The following ANKRD12 variants were observed in gnomAD, a reference collection of about 807,000 sequenced individuals.
ANKRD12 encodes ankyrin repeat domain 12, also known as ankyrin repeat domain-containing protein 12.
Under a neutral mutation model 183.4 loss-of-function variants are expected in ANKRD12, and 85 were observed. That is an observed-to-expected ratio of 0.46 (90% CI 0.39 to 0.56). ANKRD12 has a LOEUF of 0.56. Among genes scored for constraint, ANKRD12 ranks in the 20% least tolerant of loss-of-function variants. The pLI is 0.00. For synonymous variants in ANKRD12, 914 were observed against 800.2 expected (o/e 1.14, Z -2.40); for missense variants, 2,405 against 2,357.1 (o/e 1.02, Z -0.42).
At chr18:9,218,376 C>G (rs1033340440) in intron 7 of ANKRD12, among the ~76,000 whole-genome samples, 1 of 152,140 alleles carries the variant, frequency 6.6e-6, no homozygotes, top group Admixed American at 6.5e-5. Flanking sequence ...TCTCCTTGTT[C>G]CTTTTACTTG....
chr18:9,229,536 T>G (rs1567941969), intron 8 of ANKRD12, among the ~76,000 whole-genome samples: 1 of 152,080 alleles, frequency 6.6e-6, no homozygotes, highest in Non-Finnish European at 1.5e-5. Context: ...TTCCTAGTTG[T>G]TTGTTGTTGT....
chr18:9,211,809 C>G, intron 6 of ANKRD12, 25 bp downstream of exon 6: 3 of 1,553,684 alleles, frequency 1.9e-6, no homozygotes, highest in Non-Finnish European at 2.7e-6. Context: ...TCAATACCTA[C>G]TATTCAGGCA....
intron 11 of ANKRD12, among the ~76,000 whole-genome samples, 186 bp downstream of exon 11, chr18:9,275,853 A>T (rs2039808566): frequency 6.6e-6 from 1 of 152,230 alleles, no homozygotes; most frequent in African/African-American, 2.4e-5. Flanking sequence ...AGCACTGTAA[A>T]CATTAGGTTT....
At chr18:9,175,199 G>C (rs1046219240) in intron 1 of ANKRD12, among the ~76,000 whole-genome samples, 4 of 152,120 alleles carry the variant, frequency 2.6e-5, no homozygotes, top group Non-Finnish European at 5.9e-5. Flanking sequence ...ACTCTAAAGT[G>C]ATCTCAAAAT....
rs375802065 is a variant in ANKRD12, at chr18:9,256,682, A to T, written c.3415A>T (p.Thr1139Ser). 2 of 1,606,624 alleles carry T rather than the reference A, an allele frequency of 1.2e-6. No individual in the cohort carries two copies. The highest frequency in any genetic ancestry group is 2.2e-5 in the South Asian group (2 of 88,904). The stretch of plus-strand genomic sequence containing the variant: ...AACTGAATCCAAAAATAAAGAACTT[A>T]CTAGGTCAAAGAGTTCAGAAGTGAC... ...TPTESKNKEL[T>S]RSKSSEVTDA... The change falls in exon 9 of 13, where the codon ACT becomes TCT. Residue 1139 changes from threonine (T) to serine (S), a missense_variant. Physicochemically the swap from Thr to Ser is moderately conservative, Grantham distance 58. Transcript: ENST00000262126.
Position 9,256,370 on chromosome 18 carries a change from G to C in ANKRD12, c.3103G>C (p.Asp1035His). The stretch of plus-strand genomic sequence containing the variant: ...ATACAAAGAACGAGACAAACATAAA[G>C]ATAAAATTCAAATAAATAGCTTACT... ...DRYKERDKHKDKIQINSLLKL... is the reference protein window; with the variant it reads ...DRYKERDKHKHKIQINSLLKL... The change falls in exon 9 of 13, where the codon GAT (aspartate) becomes CAT (histidine). Residue 1035 changes from aspartate (D) to histidine (H), a missense_variant. Asp to His is a moderately conservative substitution (Grantham distance 81). Transcript: ENST00000262126. The C allele has an allele frequency of 6.2e-7, 1 of 1,601,388 alleles. No homozygotes were observed. The highest frequency in any genetic ancestry group is 8.5e-7 in the Non-Finnish European group (1 of 1,174,960).
chr18:9,150,964 T>TA (rs35616364), intron 1 of ANKRD12, among the ~76,000 whole-genome samples: 85,485 of 150,860 alleles, frequency 0.57, 25,231 homozygotes, highest in South Asian at 0.75. Flanking sequence ...ATTTTGTGAT[T>TA]AAAAAAAAAA....
chr18:9,219,493 C>T (rs1023156231), intron 7 of ANKRD12, among the ~76,000 whole-genome samples: 1 of 152,142 alleles, frequency 6.6e-6, no homozygotes, highest in Non-Finnish European at 1.5e-5. Context: ...TGAGCAGTTA[C>T]TGATGTAGAA....
chr18:9,159,056 G>A (rs1271151424), intron 1 of ANKRD12, among the ~76,000 whole-genome samples: 1 of 152,046 alleles, frequency 6.6e-6, no homozygotes, highest in Admixed American at 6.5e-5. Context: ...TCCTTTCTGG[G>A]AGTGCAAGAT....
chr18:9,266,347 T>G (rs1387380392), intron 10 of ANKRD12, among the ~76,000 whole-genome samples: 2 of 151,936 alleles, frequency 1.3e-5, no homozygotes, highest in African/African-American at 4.8e-5. Context: ...AAGGAAAAAA[T>G]GTTAAGGGCA....
intron 8 of ANKRD12, among the ~76,000 whole-genome samples, chr18:9,225,455 C>A (rs1242338043): frequency 2.4e-4 from 7 of 29,786 alleles, no homozygotes; most frequent in Non-Finnish European, 4.8e-4. Context: ...GCCTGGCTGA[C>A]AGAGCCAGAC....
intron 10 of ANKRD12, among the ~76,000 whole-genome samples, chr18:9,265,594 A>C (rs2039242873): frequency 6.6e-6 from 1 of 152,212 alleles, no homozygotes; most frequent in African/African-American, 2.4e-5. Flanking sequence ...TAACAAACAG[A>C]AAGGACATCC....
At chr18:9,154,143 G>T (rs2030023818) in intron 1 of ANKRD12, among the ~76,000 whole-genome samples, 1 of 152,084 alleles carries the variant, frequency 6.6e-6, no homozygotes. Context: ...TCTGCGGCTG[G>T]GCACAGTGAT....
chr18:9,192,520 A>C (rs766786383), intron 2 of ANKRD12, among the ~76,000 whole-genome samples: 3 of 152,108 alleles, frequency 2.0e-5, no homozygotes, highest in Non-Finnish European at 2.9e-5. Context: ...TTTGGTATCA[A>C]TTTCATTTTA....
Position 9,279,634 on chromosome 18 carries a change from A to G in ANKRD12, c.5993A>G (p.Asp1998Gly). The change falls in exon 12 of 13, where the codon GAC becomes GGC. Residue 1998 changes from aspartate (D) to glycine (G), a missense_variant. By Grantham distance (94) the Asp-to-Gly change is moderately conservative. Coordinates refer to ENST00000262126, the MANE Select transcript of ANKRD12 (RefSeq NM_015208.5). The part of the protein sequence containing the change: ...SWLQDVDDKF[D>G]KLKTCLLMRQ... ...TTACAAGATGTGGATGATAAATTTGACAAATTAAAGGTATGTATGTTTGGA... is the reference window on the plus strand; with the variant it reads ...TTACAAGATGTGGATGATAAATTTGGCAAATTAAAGGTATGTATGTTTGGA... 1 of 1,600,828 alleles carries G rather than the reference A, an allele frequency of 6.2e-7. No individual in the cohort carries two copies. The highest frequency in any genetic ancestry group is 1.7e-5 in the Admixed American group (1 of 57,766).
intron 1 of ANKRD12, among the ~76,000 whole-genome samples, chr18:9,148,417 A>G (rs544184097): frequency 6.4e-4 from 98 of 152,298 alleles, no homozygotes; most frequent in African/African-American, 2.2e-3. Context: ...CTCTAAATGT[A>G]TTGTTAGAAT....
chr18:9,245,407 CTGTGATCAT>C (rs1466739157), intron 8 of ANKRD12, among the ~76,000 whole-genome samples: 1 of 152,122 alleles, frequency 6.6e-6, no homozygotes, highest in Non-Finnish European at 1.5e-5. Context: ...GCTGTGAACA[CTGTGATCAT>C]ACCACCACTC....
chr18:9,174,636 G>A (rs2033081982), intron 1 of ANKRD12, among the ~76,000 whole-genome samples: 2 of 152,316 alleles, frequency 1.3e-5, no homozygotes, highest in South Asian at 4.1e-4. Context: ...GCTCCTGGGT[G>A]GGCCATTGCC....
chr18:9,149,251 C>T (rs189472026), intron 1 of ANKRD12, among the ~76,000 whole-genome samples: 1 of 152,244 alleles, frequency 6.6e-6, no homozygotes, highest in East Asian at 1.9e-4. Flanking sequence ...CATTATGTGA[C>T]ATGTAAGTGT....
Sources: allele counts gnomAD v4.1 joint callset (sites outside exome capture counted in the v4.1 genomes callset), GRCh38; gene constraint gnomAD v4.1.1; transcripts MANE v1.5; gene names NCBI Gene and HGNC (gene_info 2026-07-23, HGNC 2026-07-21).